ATE1: variants seen among roughly 807,000 people sequenced by gnomAD.
ATE1 encodes the protein arginyl-tRNA--protein transferase 1.
Under a neutral mutation model 70.5 loss-of-function variants are expected in ATE1, and 36 were observed. That is an observed-to-expected ratio of 0.51 (90% confidence interval 0.39 to 0.67). The LOEUF (loss-of-function observed/expected upper bound fraction) is 0.67. Among genes scored for constraint, ATE1 ranks in the 30% least tolerant of loss-of-function variants. The pLI is 0.00. For synonymous variants in ATE1, 232 were observed against 219.3 expected (o/e 1.06, Z -0.51); for missense variants, 593 against 629.5 (o/e 0.94, Z 0.62).
In ATE1 at chr10:121,808,026, G is replaced by GA. The variant is rs530862028; in HGVS notation, c.1258-17738dup. ...AATGTAATTGCCAGAGGGAGAGAGA[G>GA]AAATGCCGATTTCCAGGAGACAATT... On this transcript the variant is annotated intron_variant, in intron 10 of 11. Coordinates refer to ENST00000224652, the MANE Select transcript of ATE1 (RefSeq NM_001001976.3). 1.7e-4 allele frequency among the ~76,000 whole-genome samples: 26 copies of GA among 152,090 alleles called. No homozygotes were observed. In the East Asian group the frequency reaches 3.1e-3, roughly 18 times the overall value.
At position 121,741,518 on chromosome 10, in the gene ATE1, G is replaced by C. The variant is rs1944147080; in HGVS notation, c.*2162C>G. 2 of 152,180 alleles carry C rather than the reference G, an allele frequency of 1.3e-5. No homozygotes were observed. Among genetic ancestry groups the C allele is most frequent in the South Asian group, 2.1e-4 (1 of 4,828 alleles). 9.4% of individuals were successfully genotyped at this position (152,180 alleles called of 1,614,324 possible). On this transcript the variant is annotated 3_prime_UTR_variant, in exon 12 of 12. Transcript: ENST00000224652. Reference sequence around the variant, plus strand: ...CAGGAAGAAACCAGAGTTGTGGTAAGATGTTGGAGTCAAGTTTTCTCTTCA... The same window carrying C: ...CAGGAAGAAACCAGAGTTGTGGTAACATGTTGGAGTCAAGTTTTCTCTTCA...
chr10:121,888,848 T>A (rs369377789), intron 7 of ATE1, among the ~76,000 whole-genome samples: 6 of 152,278 alleles, frequency 3.9e-5, no homozygotes, highest in African/African-American at 1.4e-4. Flanking sequence ...TAACTCACAC[T>A]ACCATAATGT....
chr10:121,866,348 T>C (rs1001780991), intron 8 of ATE1, among the ~76,000 whole-genome samples: 3 of 152,184 alleles, frequency 2.0e-5, no homozygotes, highest in African/African-American at 7.2e-5. Flanking sequence ...TTAATTTTGA[T>C]TTCTCTTCCT....
intron 10 of ATE1, among the ~76,000 whole-genome samples, chr10:121,816,185 TATC>T (rs1000894473): frequency 6.6e-6 from 1 of 152,200 alleles, no homozygotes; most frequent in Non-Finnish European, 1.5e-5. Context: ...CAAAATTTAT[TATC>T]ATACTCCCTA....
intron 10 of ATE1, among the ~76,000 whole-genome samples, chr10:121,817,147 C>A (rs1285578118): frequency 1.3e-5 from 2 of 152,206 alleles, no homozygotes; most frequent in South Asian, 4.1e-4. Context: ...TATGCATTTT[C>A]CCCCAACCAG....
intron 5 of ATE1, among the ~76,000 whole-genome samples, chr10:121,907,194 C>T (rs1299441765): frequency 6.6e-6 from 1 of 152,088 alleles, no homozygotes. Flanking sequence ...GTGGCTCATG[C>T]CTGTAATCCC....
At chr10:121,923,056 G>C (rs1330914415) in intron 2 of ATE1, among the ~76,000 whole-genome samples, 3 of 152,084 alleles carry the variant, frequency 2.0e-5, no homozygotes, top group Admixed American at 6.6e-5. Flanking sequence ...AATAACCTTT[G>C]AACTCATCTT....
intron 6 of ATE1, among the ~76,000 whole-genome samples, chr10:121,900,594 G>T (rs73364476): frequency 0.033 from 4,995 of 152,232 alleles, 149 homozygotes; most frequent in African/African-American, 0.081. Flanking sequence ...CGCAGTAATG[G>T]CTAACATTTA....
At chr10:121,864,885 G>T (rs1949608958) in intron 8 of ATE1, among the ~76,000 whole-genome samples, 1 of 152,078 alleles carries the variant, frequency 6.6e-6, no homozygotes, top group Non-Finnish European at 1.5e-5. Context: ...AGAAGCCAGA[G>T]ATGCTAAGCT....
intron 10 of ATE1, among the ~76,000 whole-genome samples, chr10:121,821,509 T>C (rs1285498069): frequency 6.6e-6 from 1 of 152,156 alleles, no homozygotes; most frequent in Non-Finnish European, 1.5e-5. Context: ...GGCAAAAGAC[T>C]TGAAAGACAC....
chr10:121,784,056 C>T (rs1344841807), intron 11 of ATE1, among the ~76,000 whole-genome samples: 1 of 152,158 alleles, frequency 6.6e-6, no homozygotes, highest in Admixed American at 6.5e-5. Flanking sequence ...CCTTGCCTGG[C>T]ACTTGCTTTG....
At chr10:121,864,612 G>A (rs181818564) in intron 8 of ATE1, among the ~76,000 whole-genome samples, 1 of 152,168 alleles carries the variant, frequency 6.6e-6, no homozygotes. Flanking sequence ...TAATCAGTAG[G>A]GTTGAATTTA....
At chr10:121,844,944 G>C (rs1457436698) in intron 8 of ATE1, among the ~76,000 whole-genome samples, 1 of 151,478 alleles carries the variant, frequency 6.6e-6, no homozygotes, top group Non-Finnish European at 1.5e-5. Flanking sequence ...AACCCCACTA[G>C]AAAGTCTATT....
intron 8 of ATE1, among the ~76,000 whole-genome samples, chr10:121,850,814 G>A (rs543502900): frequency 9.2e-5 from 14 of 152,218 alleles, no homozygotes; most frequent in South Asian, 4.1e-4. Flanking sequence ...GTTTCAGGCC[G>A]GGTGCAGTGG....
intron 11 of ATE1, among the ~76,000 whole-genome samples, chr10:121,789,169 A>G (rs968809230): frequency 1.3e-5 from 2 of 152,082 alleles, no homozygotes; most frequent in Non-Finnish European, 2.9e-5. Flanking sequence ...AGGTCCTATT[A>G]TTACCTCCAT....
chr10:121,796,210 C>A (rs573112872), intron 10 of ATE1, among the ~76,000 whole-genome samples: 1 of 152,198 alleles, frequency 6.6e-6, no homozygotes, highest in East Asian at 1.9e-4. Flanking sequence ...GAAATCTTAC[C>A]AAGCAAGGGC....
chr10:121,765,414 G>A (rs912821435), intron 11 of ATE1, among the ~76,000 whole-genome samples: 8 of 152,228 alleles, frequency 5.3e-5, no homozygotes, highest in Non-Finnish European at 8.8e-5. Flanking sequence ...TATTCAAATC[G>A]TGGGGAGGTT....
chr10:121,793,026 A>C (rs1032928046), intron 10 of ATE1, among the ~76,000 whole-genome samples: 1 of 152,238 alleles, frequency 6.6e-6, no homozygotes, highest in African/African-American at 2.4e-5. Context: ...CATATATTTA[A>C]AAACAGACTT....
chr10:121,801,080 A>C (rs1946859839), intron 10 of ATE1, among the ~76,000 whole-genome samples: 2 of 152,230 alleles, frequency 1.3e-5, no homozygotes, highest in Admixed American at 1.3e-4. Context: ...GTGAGCTGAG[A>C]CCAGTAAAGA....
Sources: gnomAD v4.1 joint callset for allele counts (sites outside exome capture counted in the v4.1 genomes callset) on GRCh38, gnomAD v4.1.1 for gene constraint, MANE v1.5 for transcripts, NCBI Gene and HGNC (gene_info 2026-07-23, HGNC 2026-07-21) for gene names.